Variants in CLK3 observed in about 807,000 individuals in gnomAD.
CLK3 encodes the protein CDC like kinase 3, also known as dual specificity protein kinase CLK3.
CLK3 carries 24 observed loss-of-function variants against 65.2 expected under a neutral mutation model. The ratio of observed to expected loss-of-function variants is 0.37; its 90% CI spans 0.27 to 0.52. The LOEUF (loss-of-function observed/expected upper bound fraction) is 0.52, where lower values mean the gene tolerates loss of function less well. Ranked by LOEUF, CLK3 falls within the 20% of genes least tolerant of loss-of-function variation. CLK3 has a pLI of 0.92. For missense variants in CLK3, 506 were observed against 660.0 expected (o/e 0.77, Z 2.56); for synonymous variants, 252 against 240.8 (o/e 1.05, Z -0.43).
intron 6 of CLK3, 67 bp downstream of exon 6, chr15:74,625,085 G>A (rs1462244251): frequency 2.5e-6 from 3 of 1,199,478 alleles, no homozygotes; most frequent in Non-Finnish European, 1.2e-6. Context: ...GGGCTTAGTA[G>A]TGTGCCTTCA....
intron 2 of CLK3, 36 bp downstream of exon 2, chr15:74,619,384 C>T: frequency 1.2e-6 from 2 of 1,609,004 alleles, no homozygotes; most frequent in Non-Finnish European, 1.7e-6. Flanking sequence ...AAGACTCCTT[C>T]TGTCAGCTGG....
Position 74,627,892 on chromosome 15 carries a change from G to A in CLK3, c.1043-78G>A, listed in dbSNP as rs781483123. On this transcript the variant is annotated intron_variant, in intron 9 of 12. Coordinates refer to ENST00000395066, the MANE Select transcript of CLK3 (RefSeq NM_001130028.2). This position sits in a 1 kb window ranked among gnomAD's most constrained non-coding sequence, Gnocchi z 4.3. ...ATTTGGGCAAGAGTCCTGCCAGCCGGTGTGGTGGCTGCCTTGTGACTTCCA... is the reference window on the plus strand; with the variant it reads ...ATTTGGGCAAGAGTCCTGCCAGCCGATGTGGTGGCTGCCTTGTGACTTCCA... 3.5e-5 allele frequency: 44 copies of A among 1,265,628 alleles called. No individual in the cohort carries two copies. The highest frequency in any genetic ancestry group is 4.6e-5 in the Non-Finnish European group (40 of 866,054). 78.4% of individuals were successfully genotyped at this position (1,265,628 alleles called of 1,614,324 possible). A position where few individuals can be genotyped will look rare whatever the true frequency, so the allele number is the denominator to read the frequency against.
intron 7 of CLK3, among the ~76,000 whole-genome samples, chr15:74,626,604 G>A (rs1179332975): frequency 6.6e-6 from 1 of 152,208 alleles, no homozygotes; most frequent in East Asian, 1.9e-4. Context: ...CCTCCCACAG[G>A]ATCTGCAAGA....
intron 3 of CLK3, 67 bp downstream of exon 3, chr15:74,620,292 G>C (rs1372431200): frequency 6.3e-7 from 1 of 1,596,018 alleles, no homozygotes; most frequent in South Asian, 1.1e-5. Flanking sequence ...CTTCTCTCAG[G>C]CTGGCTGGTC....
rs542973892 is a variant in CLK3 at position 74,619,327 on chromosome 15, C to A, written c.131C>A (p.Pro44Gln). The change falls in exon 2 of 13, where the codon CCA (proline) becomes CAA (glutamine). Residue 44 changes from proline to glutamine, a missense_variant. By Grantham distance (76) the Pro-to-Gln change is moderately conservative (BLOSUM62 -1). Coordinates refer to ENST00000395066, the MANE Select transcript of CLK3 (RefSeq NM_001130028.2). Reference protein sequence around the residue: ...LRYPSRREPPPRRSRSRSHDR... With the variant: ...LRYPSRREPPQRRSRSRSHDR... ...TACCCGTCCCGAAGGGAGCCTCCCC[C>A]ACGAAGATCTCGGTCCAGAAGGTGA... 4.0e-5 allele frequency: 65 copies of A among 1,614,040 alleles called. No individual in the cohort carries two copies. Among genetic ancestry groups the A allele is most frequent in the South Asian group, 6.6e-5 (6 of 91,080 alleles).
chr15:74,630,089 T>G lies in CLK3; in HGVS notation c.*206T>G. 3.6e-6 allele frequency: 2 copies of G among 550,074 alleles called. No individual in the cohort carries two copies. Among genetic ancestry groups the G allele is most frequent in the East Asian group, 2.9e-5 (1 of 35,038 alleles). The allele number at this position is 550,074 out of a possible 1,614,324, so 34.1% of individuals were successfully genotyped here. A position where few individuals can be genotyped will look rare whatever the true frequency, so the allele number is the denominator to read the frequency against. On this transcript the variant is annotated 3_prime_UTR_variant, in exon 13 of 13. Coordinates refer to ENST00000395066, the MANE Select transcript of CLK3 (RefSeq NM_001130028.2). ...CCCAAGCTATTTATATGTTATAAAG[T>G]TATAATAAAGTGTTTCTTACTGTTT...
chr15:74,622,625 G>C lies in CLK3; in HGVS notation c.533+65G>C, dbSNP rs1269066742. 4.6e-6 allele frequency: 6 copies of C among 1,303,814 alleles called. No homozygotes were observed. The Admixed American group carries it at 1.3e-4, about 29-fold the overall frequency. 80.8% of individuals were successfully genotyped at this position (1,303,814 alleles called of 1,614,324 possible). A position where few individuals can be genotyped will look rare whatever the true frequency, so the allele number is the denominator to read the frequency against. On this transcript the variant is annotated intron_variant, in intron 5 of 12. Transcript: ENST00000395066. This position sits in a 1 kb window ranked among gnomAD's most constrained non-coding sequence, Gnocchi z 4.6. ...TCTTCCTGGGAAGAGCTGGCCTGAG[G>C]TTCTTGAGGGTGGCAGCTATCAGAG... is the stretch of plus-strand genomic sequence containing the variant.
intron 1 of CLK3, among the ~76,000 whole-genome samples, chr15:74,609,665 A>G (rs977502629): frequency 2.0e-5 from 3 of 152,240 alleles, no homozygotes; most frequent in Non-Finnish European, 4.4e-5. Context: ...CAGGGGTCTC[A>G]GCTGCTGGCA....
Position 74,628,699 on chromosome 15 carries a change from GC to G in CLK3, c.1205+21del, listed in dbSNP as rs767216504. ...ACCGTACCAGGTAAGGACCCCAGTA[GC>G]CCCCTCAGGGTTGGTATAGAGGCCT... On this transcript the variant is annotated intron_variant, in intron 11 of 12. Coordinates refer to ENST00000395066, the MANE Select transcript of CLK3 (RefSeq NM_001130028.2). 159 of 1,602,666 alleles carry G rather than the reference GC, an allele frequency of 9.9e-5. No homozygotes were observed. The African/African-American group carries it at 2.0e-3, about 20-fold the overall frequency.
chr15:74,623,384 C>T (rs1435934829), intron 5 of CLK3, among the ~76,000 whole-genome samples: 1 of 152,214 alleles, frequency 6.6e-6, no homozygotes, highest in Non-Finnish European at 1.5e-5. Context: ...TAAACATGCT[C>T]AGGGTTTGCC....
Position 74,620,188 on chromosome 15 carries a change from A to G in CLK3, c.332A>G (p.His111Arg), listed in dbSNP as rs2062090795. The G allele has an allele frequency of 1.2e-6, 2 of 1,613,980 alleles. No individual in the cohort carries two copies. The highest frequency in any genetic ancestry group is 1.7e-6 in the Non-Finnish European group (2 of 1,180,042). Residue 111 changes from histidine to arginine, a missense_variant, in exon 3 of 13, where the codon CAC (histidine) becomes CGC (arginine). Coordinates refer to ENST00000395066, the MANE Select transcript of CLK3 (RefSeq NM_001130028.2). ...ACCCGCAAGCATGCCCACCACTGCCACAAACGCCGCACCAGGTCTTGTAGC... is the reference window on the plus strand; with the variant it reads ...ACCCGCAAGCATGCCCACCACTGCCGCAAACGCCGCACCAGGTCTTGTAGC... ...YRTRKHAHHC[H>R]KRRTRSCSSA... is the part of the protein sequence containing the mutation.
At chr15:74,623,810 G>A (rs901856059) in intron 5 of CLK3, 3 of 152,410 alleles carry the variant, frequency 2.0e-5, no homozygotes, top group Admixed American at 2.0e-4. Flanking sequence ...TTGTCATGCA[G>A]AGGCAGAATT....
chr15:74,611,838 T>C (rs1482137037), upstream of CLK3, among the ~76,000 whole-genome samples: 1 of 152,234 alleles, frequency 6.6e-6, no homozygotes, highest in Non-Finnish European at 1.5e-5. Flanking sequence ...TAGTCTTGGC[T>C]TCCCAAAGCA....
intron 1 of CLK3, among the ~76,000 whole-genome samples, chr15:74,616,779 C>T (rs1048914869): frequency 6.6e-6 from 1 of 152,232 alleles, no homozygotes; most frequent in Admixed American, 6.5e-5. Context: ...GGGAGGGCAG[C>T]CGCTGACCTG....
At chr15:74,628,191 C>T (rs11072496) in intron 10 of CLK3, 139 bp downstream of exon 10, 167,052 of 678,668 alleles carry the variant, frequency 0.25, 28,730 homozygotes, top group African/African-American at 0.54. Context: ...AGATTCAGAC[C>T]CTTTAAGGAT....
rs2062110259 is a variant in CLK3, at chr15:74,622,321, G to A, written c.466+105G>A. The A allele has an allele frequency of 4.4e-6, 5 of 1,140,464 alleles. No homozygotes were observed. The highest frequency in any genetic ancestry group is 4.1e-5 in the Admixed American group (2 of 49,346). 70.6% of individuals were successfully genotyped at this position (1,140,464 alleles called of 1,614,324 possible). A position where few individuals can be genotyped will look rare whatever the true frequency, so the allele number is the denominator to read the frequency against. ...CCTCTAGTGCGCGTGGTGCCTTAGC[G>A]GGGCCACCAGTAATTGCCTGAATGA... On this transcript the variant is annotated intron_variant, in intron 4 of 12. Transcript: ENST00000395066. This position sits in a 1 kb window ranked among gnomAD's most constrained non-coding sequence, Gnocchi z 4.6.
intron 1 of CLK3, among the ~76,000 whole-genome samples, chr15:74,610,104 CA>C (rs1384440228): frequency 6.6e-6 from 1 of 152,266 alleles, no homozygotes; most frequent in East Asian, 1.9e-4. Context: ...ACAGCAGGGC[CA>C]GTGCGCAGGG....
At chr15:74,608,455 C>T (rs527402387) in intron 1 of CLK3, 1 of 152,418 alleles carries the variant, frequency 6.6e-6, no homozygotes, top group East Asian at 1.9e-4. Context: ...ATCACCCCCA[C>T]CCCACTCCCT....
At position 74,621,136 on chromosome 15, in the gene CLK3, TC is replaced by T. The variant is rs1352330431; in HGVS notation, c.369+912del. 6.6e-6 allele frequency: 1 copy of T among 152,534 alleles called. No individual in the cohort carries two copies. The highest frequency in any genetic ancestry group is 1.5e-5 in the Non-Finnish European group (1 of 68,238). The allele number at this position is 152,534 out of a possible 1,614,324, so 9.4% of individuals were successfully genotyped here. ...CAGGTGTCTTCTCTGCCCAGCGCTT[TC>T]TGTGACTTCTTTGAGTGGCTACAGG... On this transcript the variant is annotated intron_variant, in intron 3 of 12. Transcript: ENST00000395066. This position sits in a 1 kb window ranked among gnomAD's most constrained non-coding sequence, Gnocchi z 4.8.
Sources: gnomAD v4.1 joint callset for allele counts (sites outside exome capture counted in the v4.1 genomes callset) on GRCh38, gnomAD v4.1.1 for gene constraint, Gnocchi (gnomAD v3.1) non-coding constraint, MANE v1.5 for transcripts, NCBI Gene and HGNC (gene_info 2026-07-23, HGNC 2026-07-21) for gene names.